Variants in PRKN observed in about 807,000 individuals in gnomAD.
The protein encoded by PRKN is E3 ubiquitin-protein ligase parkin.
A neutral mutation model predicts 59.5 loss-of-function variants in PRKN; 56 were observed. The observed-to-expected ratio is 0.94, with a 90% CI of 0.76 to 1.18. The LOEUF (loss-of-function observed/expected upper bound fraction) is 1.18. Among genes scored for constraint, PRKN ranks in the 50% most tolerant of loss-of-function variants. PRKN has a pLI of 0.00. For synonymous variants in PRKN, 250 were observed against 222.1 expected (o/e 1.13, Z -1.12); for missense variants, 657 against 596.4 (o/e 1.10, Z -1.06).
intron 7 of PRKN, among the ~76,000 whole-genome samples, chr6:161,713,428 C>T (rs914533641): frequency 6.6e-6 from 1 of 152,160 alleles, no homozygotes; most frequent in African/African-American, 2.4e-5. Flanking sequence ...CTGGGCCAAT[C>T]TGGAGGCTCT....
At chr6:161,697,120 A>C (rs1363090990) in intron 7 of PRKN, among the ~76,000 whole-genome samples, 1 of 152,220 alleles carries the variant, frequency 6.6e-6, no homozygotes, top group Non-Finnish European at 1.5e-5. Context: ...CTCCGTGTGA[A>C]GTAGCCTGTT....
chr6:161,382,321 A>G (rs1484718345), intron 10 of PRKN, among the ~76,000 whole-genome samples: 2 of 152,080 alleles, frequency 1.3e-5, no homozygotes, highest in South Asian at 2.1e-4. Flanking sequence ...AATGTTGAGC[A>G]GGAGGCATGG....
intron 1 of PRKN, among the ~76,000 whole-genome samples, chr6:162,648,116 G>T (rs192045572): frequency 6.6e-6 from 1 of 151,900 alleles, no homozygotes; most frequent in Non-Finnish European, 1.5e-5. Flanking sequence ...AAAGACGAGC[G>T]ATGTAAAATG....
intron 1 of PRKN, among the ~76,000 whole-genome samples, chr6:162,535,364 T>C (rs1399500905): frequency 1.3e-5 from 2 of 152,132 alleles, no homozygotes; most frequent in African/African-American, 4.8e-5. Flanking sequence ...TAATACTTAA[T>C]ATTTTGTCCA....
chr6:162,261,705 G>T (rs1166974769), intron 3 of PRKN, among the ~76,000 whole-genome samples: 1 of 152,068 alleles, frequency 6.6e-6, no homozygotes, highest in Non-Finnish European at 1.5e-5. Flanking sequence ...ATCAGTTAAT[G>T]CCTTACTTTC....
At chr6:161,761,788 T>C (rs1019283550) in intron 7 of PRKN, among the ~76,000 whole-genome samples, 10 of 152,144 alleles carry the variant, frequency 6.6e-5, no homozygotes, top group African/African-American at 2.4e-4. Context: ...CCTGAGGAGG[T>C]TGGCACTGGG....
At chr6:161,834,373 A>G (rs568440458) in intron 6 of PRKN, among the ~76,000 whole-genome samples, 2 of 152,160 alleles carry the variant, frequency 1.3e-5, no homozygotes, top group Non-Finnish European at 2.9e-5. Flanking sequence ...AAGGCTTCCC[A>G]TGGACCATAT....
chr6:161,410,706 C>T lies in PRKN; in HGVS notation c.1084-23829G>A, dbSNP rs1322660446. 2.0e-5 allele frequency among the ~76,000 whole-genome samples: 3 copies of T among 152,040 alleles called. No homozygotes were observed. The highest frequency in any genetic ancestry group is 4.4e-5 in the Non-Finnish European group (3 of 68,002). ...ATGGGGAGGATGCAGGGAAGAGAATCGGGGTCACTGTGAGGGAGGGGCAAC... is the reference window on the plus strand; with the variant it reads ...ATGGGGAGGATGCAGGGAAGAGAATTGGGGTCACTGTGAGGGAGGGGCAAC... On this transcript the variant is annotated intron_variant, in intron 9 of 11. Coordinates refer to ENST00000366898, the MANE Select transcript of PRKN (RefSeq NM_004562.3). The surrounding 1 kb of genome is among the most constrained non-coding windows in gnomAD (Gnocchi z 5.3).
intron 1 of PRKN, among the ~76,000 whole-genome samples, chr6:162,546,703 C>T (rs1779133175): frequency 6.6e-6 from 1 of 152,098 alleles, no homozygotes; most frequent in Non-Finnish European, 1.5e-5. Context: ...CTCGGCCTCC[C>T]AAAATACTGG....
intron 6 of PRKN, among the ~76,000 whole-genome samples, chr6:161,841,907 C>A (rs1793001572): frequency 6.6e-6 from 1 of 152,118 alleles, no homozygotes; most frequent in African/African-American, 2.4e-5. Flanking sequence ...GACTACAAAT[C>A]CCCAATTTTT....
intron 6 of PRKN, among the ~76,000 whole-genome samples, chr6:161,910,742 T>C (rs1423803235): frequency 1.3e-5 from 2 of 152,134 alleles, no homozygotes; most frequent in Non-Finnish European, 2.9e-5. Flanking sequence ...ATTTCATTGT[T>C]GTCTTATTTT....
chr6:162,383,447 T>G (rs1432479330), intron 2 of PRKN, among the ~76,000 whole-genome samples: 2 of 152,132 alleles, frequency 1.3e-5, no homozygotes, highest in Non-Finnish European at 2.9e-5. Context: ...AAGAGTCATT[T>G]TTTTCTGAGC....
chr6:162,237,764 T>A (rs1158261968), intron 3 of PRKN, among the ~76,000 whole-genome samples: 1 of 151,638 alleles, frequency 6.6e-6, no homozygotes, highest in Admixed American at 6.6e-5. Flanking sequence ...TAAATGCATA[T>A]CTGATATTTT....
At chr6:162,413,948 G>A (rs1302275469) in intron 2 of PRKN, among the ~76,000 whole-genome samples, 1 of 151,762 alleles carries the variant, frequency 6.6e-6, no homozygotes, top group Non-Finnish European at 1.5e-5. Flanking sequence ...TTGGGAGGCT[G>A]AGGCAGGTGG....
At chr6:162,633,608 T>C (rs1314450301) in intron 1 of PRKN, among the ~76,000 whole-genome samples, 3 of 151,994 alleles carry the variant, frequency 2.0e-5, no homozygotes, top group Admixed American at 1.3e-4. Context: ...CACACAAACC[T>C]GGAGGTTGCA....
chr6:161,676,167 A>C (rs139821053), intron 7 of PRKN, among the ~76,000 whole-genome samples: 1 of 152,342 alleles, frequency 6.6e-6, no homozygotes, highest in African/African-American at 2.4e-5. Flanking sequence ...ACTGTGGGCC[A>C]TGAAGGAGAG....
chr6:162,256,606 T>C (rs1469475676), intron 3 of PRKN, among the ~76,000 whole-genome samples: 2 of 152,156 alleles, frequency 1.3e-5, no homozygotes, highest in Non-Finnish European at 2.9e-5. Flanking sequence ...TCCTGTCAAG[T>C]GCAGATCTCC....
chr6:161,374,990 C>CCA lies in PRKN; in HGVS notation c.1167+11802_1167+11803dup, dbSNP rs1223577910. ...TCAGAGGAGGGTCCCATGTGTCAGG[C>CCA]CAGGCAGGCATCTGGTGGAGGCTGC... On this transcript the variant is annotated intron_variant, in intron 10 of 11. Coordinates refer to ENST00000366898, the MANE Select transcript of PRKN (RefSeq NM_004562.3). 6.0e-4 allele frequency among the ~76,000 whole-genome samples: 92 copies of CCA among 152,244 alleles called. 1 individual carries two copies. Among genetic ancestry groups the CCA allele is most frequent in the Middle Eastern group, 3.4e-3 (1 of 294 alleles).
chr6:162,067,288 C>A (rs1778380858), intron 4 of PRKN, among the ~76,000 whole-genome samples: 2 of 152,130 alleles, frequency 1.3e-5, no homozygotes, highest in Non-Finnish European at 2.9e-5. Flanking sequence ...ACTGTCAAAT[C>A]CAATGGTCAT....
Sources: gnomAD v4.1 joint callset for allele counts (sites outside exome capture counted in the v4.1 genomes callset) on GRCh38, gnomAD v4.1.1 for gene constraint, Gnocchi (gnomAD v3.1) non-coding constraint, MANE v1.5 for transcripts, NCBI Gene and HGNC (gene_info 2026-07-23, HGNC 2026-07-21) for gene names.